Variants in CPQ observed in about 807,000 individuals in gnomAD.
CPQ encodes Ser-Met dipeptidase.
CPQ carries 37 observed loss-of-function variants against 45.7 expected under a neutral mutation model. That is an observed-to-expected ratio of 0.81 (90% CI 0.62 to 1.07). The LOEUF is 1.07. Among genes scored for constraint, CPQ ranks in the 50% least tolerant of loss-of-function variants. The pLI is 0.00. For missense variants in CPQ, 537 were observed against 572.9 expected (o/e 0.94, Z 0.64); for synonymous variants, 186 against 205.8 (o/e 0.90, Z 0.82).
At chr8:96,928,421 A>G (rs895749333) in intron 4 of CPQ, among the ~76,000 whole-genome samples, 6 of 151,242 alleles carry the variant, frequency 4.0e-5, no homozygotes. Context: ...TGGTCCTGAT[A>G]TAAATGAGGG....
intron 6 of CPQ, among the ~76,000 whole-genome samples, chr8:97,032,991 G>A (rs764102466): frequency 6.6e-6 from 1 of 152,170 alleles, no homozygotes; most frequent in South Asian, 2.1e-4. Flanking sequence ...CATGTTAGTC[G>A]TGAGGAAGGA....
At chr8:97,136,788 C>T (rs1659382028) in intron 7 of CPQ, among the ~76,000 whole-genome samples, 1 of 152,228 alleles carries the variant, frequency 6.6e-6, no homozygotes. Flanking sequence ...CTTCTGCCAG[C>T]TTTCCATTTC....
chr8:96,898,952 A>G (rs992664092), intron 4 of CPQ, among the ~76,000 whole-genome samples: 2 of 152,194 alleles, frequency 1.3e-5, no homozygotes, highest in African/African-American at 2.4e-5. Context: ...AGGCTCCAGC[A>G]TATTAATAAA....
chr8:96,971,921 G>T (rs996820517), intron 5 of CPQ, among the ~76,000 whole-genome samples: 2 of 152,182 alleles, frequency 1.3e-5, no homozygotes, highest in African/African-American at 4.8e-5. Flanking sequence ...CGAACAGACA[G>T]AGCAGTGTTT....
chr8:96,894,328 C>T (rs1270579703), intron 4 of CPQ, among the ~76,000 whole-genome samples: 1 of 152,082 alleles, frequency 6.6e-6, no homozygotes, highest in Non-Finnish European at 1.5e-5. Context: ...TTGGGGTAAA[C>T]TAATACAGCA....
At chr8:96,787,233 A>G (rs767355582) in intron 2 of CPQ, among the ~76,000 whole-genome samples, 11 of 152,038 alleles carry the variant, frequency 7.2e-5, no homozygotes, top group Non-Finnish European at 1.5e-4. Context: ...AATTGTGTTA[A>G]TTTTTGTATA....
chr8:96,935,044 A>G (rs927621135), intron 4 of CPQ, among the ~76,000 whole-genome samples: 8 of 152,200 alleles, frequency 5.3e-5, no homozygotes, highest in Admixed American at 3.3e-4. Context: ...TTGTTTGATA[A>G]GCAGGGAAGT....
intron 4 of CPQ, among the ~76,000 whole-genome samples, chr8:96,926,275 C>T (rs1365598753): frequency 1.3e-5 from 2 of 152,168 alleles, no homozygotes; most frequent in Admixed American, 6.5e-5. Context: ...CAGCCTTGCC[C>T]ATCTTTGGGC....
At chr8:96,905,255 G>T (rs1166398366) in intron 4 of CPQ, among the ~76,000 whole-genome samples, 1 of 152,082 alleles carries the variant, frequency 6.6e-6, no homozygotes, top group Non-Finnish European at 1.5e-5. Flanking sequence ...TAACAAGGGA[G>T]AAATCCACCC....
chr8:97,002,221 CTTG>C (rs1809296420), intron 5 of CPQ, among the ~76,000 whole-genome samples: 1 of 151,802 alleles, frequency 6.6e-6, no homozygotes, highest in Non-Finnish European at 1.5e-5. Context: ...AACTCTTGGA[CTTG>C]TTGATCTTTT....
At chr8:97,067,218 T>G (rs377720090) in intron 7 of CPQ, among the ~76,000 whole-genome samples, 23 of 152,172 alleles carry the variant, frequency 1.5e-4, no homozygotes, top group African/African-American at 5.5e-4. Context: ...TGAGCGACCA[T>G]GCCTGGCCTC....
At chr8:97,077,793 A>C (rs2130546315) in intron 7 of CPQ, among the ~76,000 whole-genome samples, 1 of 152,320 alleles carries the variant, frequency 6.6e-6, no homozygotes, top group Non-Finnish European at 1.5e-5. Flanking sequence ...CACACACTTC[A>C]AACTCATGTT....
chr8:96,956,564 T>C (rs1407348089), intron 4 of CPQ, among the ~76,000 whole-genome samples: 2 of 152,134 alleles, frequency 1.3e-5, no homozygotes, highest in Non-Finnish European at 2.9e-5. Flanking sequence ...GAGTTTTTCA[T>C]TTTAGGTATA....
chr8:97,004,526 C>G (rs1451539926), intron 5 of CPQ, among the ~76,000 whole-genome samples: 3 of 151,966 alleles, frequency 2.0e-5, no homozygotes, highest in Non-Finnish European at 4.4e-5. Context: ...CAAAATTACC[C>G]TTTGACTAAT....
At chr8:96,975,822 T>C (rs772388157) in intron 5 of CPQ, among the ~76,000 whole-genome samples, 1 of 152,052 alleles carries the variant, frequency 6.6e-6, no homozygotes, top group Non-Finnish European at 1.5e-5. Context: ...CTGAGCAAAA[T>C]TGGCATAGAA....
chr8:96,957,277 A>G (rs1813372427), intron 4 of CPQ, among the ~76,000 whole-genome samples: 1 of 152,098 alleles, frequency 6.6e-6, no homozygotes. Context: ...GCTTTGAGTA[A>G]CTTTCATTTA....
At chr8:96,660,160 C>T (rs1815683049) in intron 1 of CPQ, among the ~76,000 whole-genome samples, 1 of 152,144 alleles carries the variant, frequency 6.6e-6, no homozygotes, top group South Asian at 2.1e-4. Context: ...TGAATTTTCT[C>T]ATGGTTGTGG....
chr8:96,751,157 T>C (rs1025739291), intron 1 of CPQ, among the ~76,000 whole-genome samples: 1 of 152,244 alleles, frequency 6.6e-6, no homozygotes. Flanking sequence ...TACCCAGTAA[T>C]GGGATTGCCG....
At chr8:96,765,993 C>T (rs549116373) in intron 1 of CPQ, among the ~76,000 whole-genome samples, 1 of 152,292 alleles carries the variant, frequency 6.6e-6, no homozygotes, top group Non-Finnish European at 1.5e-5. Context: ...GAGGCCCTCC[C>T]ACTCCAAACC....
Sources: allele counts gnomAD v4.1 joint callset (sites outside exome capture counted in the v4.1 genomes callset), GRCh38; gene constraint gnomAD v4.1.1; transcripts MANE v1.5; gene names NCBI Gene and HGNC (gene_info 2026-07-23, HGNC 2026-07-21).